Variants in PHF21A observed in about 807,000 individuals in gnomAD.
PHF21A encodes PHD finger protein 21A.
Under a neutral mutation model 82.5 loss-of-function variants are expected in PHF21A, and 11 were observed. That is an observed-to-expected ratio of 0.13 (90% CI 0.08 to 0.22). The LOEUF (loss-of-function observed/expected upper bound fraction) is 0.22. Among genes scored for constraint, PHF21A ranks in the 10% least tolerant of loss-of-function variants. The pLI, the probability that PHF21A is intolerant of heterozygous loss-of-function variation, is 1.00. For synonymous variants in PHF21A, 297 were observed against 302.8 expected, an observed-to-expected ratio of 0.98 and a Z score of 0.20; for missense variants, 579 against 837.8, an observed-to-expected ratio of 0.69 and a Z score of 3.81.
In PHF21A at chr11:46,084,881, C is replaced by A. The variant is rs569103682; in HGVS notation, c.-83-579G>T. On this transcript the variant is annotated intron_variant, in intron 3 of 18. Coordinates refer to ENST00000676320, the MANE Select transcript of PHF21A (RefSeq NM_001352027.3). ...ATTTTTAATAGAGACGGGGTTTCACCGTGTTAGCCAGGATGGTCTTGATCT... is the reference window on the plus strand; with the variant it reads ...ATTTTTAATAGAGACGGGGTTTCACAGTGTTAGCCAGGATGGTCTTGATCT... 4.6e-4 allele frequency among the ~76,000 whole-genome samples: 70 copies of A among 152,120 alleles called. 3 individuals are homozygous for A. The South Asian group carries it at 0.014, about 31-fold the overall frequency.
In PHF21A at chr11:45,953,661, G is replaced by A. The variant is rs138319583; in HGVS notation, c.997-36C>T. 5,868 of 1,401,816 alleles carry A rather than the reference G, an allele frequency of 4.2e-3. 25 individuals carry two copies. Among genetic ancestry groups the A allele is most frequent in the African/African-American group, 0.015 (1,094 of 70,750 alleles). 86.8% of individuals were successfully genotyped at this position (1,401,816 alleles called of 1,614,324 possible). On this transcript the variant is annotated intron_variant, in intron 10 of 18. Coordinates refer to ENST00000676320, the MANE Select transcript of PHF21A (RefSeq NM_001352027.3). ...AAAATTAAATAAAAATTCAGAATTC[G>A]TTTTTTATTAAAAGGATGAAGCAAT...
chr11:45,979,946 T>C lies in PHF21A; in HGVS notation c.174A>G (p.Leu58=), dbSNP rs188262658. The change falls in exon 7 of 19, where the codon CTA becomes CTG. Residue 58 remains leucine (L), a synonymous_variant. Coordinates refer to ENST00000676320, the MANE Select transcript of PHF21A (RefSeq NM_001352027.3). ...CTTGCTTTACTATCAGGTTCTTCCG[T>C]AGCTGTTCAACTACTCTTTTCTACC... The part of the protein sequence containing the change: ...SEKQKRVVEQ[L]RKNLIVKQEQ... The C allele has an allele frequency of 5.8e-5, 93 of 1,614,168 alleles. No individual in the cohort carries two copies. In the East Asian group the frequency reaches 1.9e-3, roughly 33 times the overall value.
intron 6 of PHF21A, among the ~76,000 whole-genome samples, chr11:45,981,851 T>A (rs1037391181): frequency 6.6e-6 from 1 of 151,850 alleles, no homozygotes; most frequent in South Asian, 2.1e-4. Context: ...ATGTATAAAA[T>A]GAATTTCTAA....
chr11:46,041,416 A>G (rs1435404878), intron 6 of PHF21A, among the ~76,000 whole-genome samples: 1 of 152,192 alleles, frequency 6.6e-6, no homozygotes, highest in African/African-American at 2.4e-5. Flanking sequence ...GCACACTACT[A>G]AAGACAATGA....
intron 10 of PHF21A, among the ~76,000 whole-genome samples, chr11:45,964,234 A>AATAATAATAATAATAATAATT (rs1220245465): frequency 1.4e-5 from 2 of 148,136 alleles, no homozygotes; most frequent in Non-Finnish European, 3.0e-5. Flanking sequence ...TAATAATAAT[A>AATAATAATAATAATAATAATT]ATTTATTTCT....
chr11:46,076,472 C>T (rs1246265103), intron 6 of PHF21A, among the ~76,000 whole-genome samples: 1 of 152,162 alleles, frequency 6.6e-6, no homozygotes, highest in East Asian at 1.9e-4. Flanking sequence ...TTACCCCATC[C>T]CCTATAGGTA....
At chr11:46,056,642 C>G (rs890013767) in intron 6 of PHF21A, among the ~76,000 whole-genome samples, 2 of 152,116 alleles carry the variant, frequency 1.3e-5, no homozygotes, top group Non-Finnish European at 2.9e-5. Flanking sequence ...CCATGAAACA[C>G]TGTTTCACCT....
At chr11:46,113,186 C>CA (rs1275174583) in intron 1 of PHF21A, among the ~76,000 whole-genome samples, 1 of 152,184 alleles carries the variant, frequency 6.6e-6, no homozygotes, top group East Asian at 1.9e-4. Flanking sequence ...GCAAAAACTG[C>CA]AATGCATACT....
chr11:46,050,349 G>C (rs2096336470), intron 6 of PHF21A, among the ~76,000 whole-genome samples: 1 of 152,234 alleles, frequency 6.6e-6, no homozygotes, highest in Non-Finnish European at 1.5e-5. Flanking sequence ...GGCTTACTTT[G>C]ATCAACTGAG....
At chr11:46,108,759 TA>T (rs2135948014) in intron 1 of PHF21A, among the ~76,000 whole-genome samples, 6 of 152,220 alleles carry the variant, frequency 3.9e-5, no homozygotes, top group Admixed American at 3.9e-4. Flanking sequence ...CGTTGATCGT[TA>T]TATAAGGACT....
At chr11:45,957,736 G>C (rs1409502068) in intron 10 of PHF21A, among the ~76,000 whole-genome samples, 3 of 13,034 alleles carry the variant, frequency 2.3e-4, no homozygotes, top group East Asian at 2.0e-3. Context: ...AACAGAAAAA[G>C]AACTAAATTC....
intron 6 of PHF21A, among the ~76,000 whole-genome samples, chr11:46,057,032 A>G (rs1275006275): frequency 6.6e-6 from 1 of 152,188 alleles, no homozygotes; most frequent in African/African-American, 2.4e-5. Flanking sequence ...TGCCGAAAAA[A>G]TTAAAATGTT....
At chr11:45,989,947 G>A (rs1373158959) in intron 6 of PHF21A, among the ~76,000 whole-genome samples, 2 of 150,880 alleles carry the variant, frequency 1.3e-5, no homozygotes, top group African/African-American at 2.4e-5. Context: ...AGCCATGATC[G>A]TGCCACTGCA....
chr11:46,023,688 G>C (rs945620905), intron 6 of PHF21A, among the ~76,000 whole-genome samples: 1 of 152,250 alleles, frequency 6.6e-6, no homozygotes, highest in Non-Finnish European at 1.5e-5. Flanking sequence ...AGGCGCAGTG[G>C]CTCATGCCTG....
chr11:45,938,082 CG>C, intron 16 of PHF21A, 74 bp downstream of exon 16: 1 of 1,305,132 alleles, frequency 7.7e-7, no homozygotes, highest in Non-Finnish European at 1.1e-6. Flanking sequence ...GCCATTTCCC[CG>C]GGAAAGGAAT....
intron 6 of PHF21A, among the ~76,000 whole-genome samples, chr11:45,982,309 A>G (rs1446139103): frequency 6.6e-6 from 1 of 152,132 alleles, no homozygotes; most frequent in Non-Finnish European, 1.5e-5. Flanking sequence ...GACAACTAAA[A>G]TATCATATAA....
intron 6 of PHF21A, among the ~76,000 whole-genome samples, chr11:46,012,311 T>C (rs1274222381): frequency 6.6e-6 from 1 of 152,212 alleles, no homozygotes. Flanking sequence ...ACCATCTGCT[T>C]AATTCTCTTT....
chr11:46,074,060 T>C (rs1295311494), intron 6 of PHF21A, among the ~76,000 whole-genome samples: 1 of 151,496 alleles, frequency 6.6e-6, no homozygotes, highest in Non-Finnish European at 1.5e-5. Context: ...GTGGCAACAG[T>C]GAATAAGAAC....
At chr11:46,008,856 C>A (rs2095354480) in intron 6 of PHF21A, among the ~76,000 whole-genome samples, 3 of 152,082 alleles carry the variant, frequency 2.0e-5, no homozygotes, top group Admixed American at 6.6e-5. Flanking sequence ...TCAACCCTAT[C>A]CACTCCCATT....
Sources: allele counts gnomAD v4.1 joint callset (sites outside exome capture counted in the v4.1 genomes callset), GRCh38; gene constraint gnomAD v4.1.1; transcripts MANE v1.5; gene names NCBI Gene and HGNC (gene_info 2026-07-23, HGNC 2026-07-21).